Variants in CFAP47 observed in about 807,000 individuals in gnomAD.
The protein encoded by CFAP47 is cilia and flagella associated protein 47.
CFAP47 carries 29 observed loss-of-function variants against 148.1 expected under a neutral mutation model. The observed-to-expected ratio is 0.20, with a 90% CI of 0.15 to 0.27. The LOEUF is 0.27. CFAP47 is among the 10% of genes least tolerant of loss of function. The probability of loss-of-function intolerance (pLI) is 1.00; values close to 1 mark genes in which losing one functional copy is unlikely to be tolerated. For missense variants in CFAP47, 1,872 were observed against 1,697.5 expected (o/e 1.10, Z -1.81); for synonymous variants, 664 against 577.3 (o/e 1.15, Z -2.15).
At chrX:36,099,335 A>G (rs1328382303) in intron 31 of CFAP47, among the ~76,000 whole-genome samples, 3 of 109,836 alleles carry the variant, frequency 2.7e-5, no homozygotes, top group Non-Finnish European at 5.7e-5. Flanking sequence ...GTCTTTGAGG[A>G]GTCTGCAGGC....
intron 46 of CFAP47, among the ~76,000 whole-genome samples, chrX:36,229,206 T>A (rs1940307554): frequency 8.9e-6 from 1 of 111,972 alleles, no homozygotes; most frequent in Admixed American, 9.5e-5. Context: ...TGGCTACCTA[T>A]TAGTCAAAGT....
chrX:36,049,812 C>G (rs1937510079), intron 26 of CFAP47, among the ~76,000 whole-genome samples: 1 of 111,274 alleles, frequency 9.0e-6, no homozygotes, highest in African/African-American at 3.3e-5. Context: ...TGGCTGTGTC[C>G]CCACCTAAAT....
chrX:35,965,371 T>C (rs1462068350), intron 8 of CFAP47, among the ~76,000 whole-genome samples: 1 of 111,440 alleles, frequency 9.0e-6, no homozygotes, highest in African/African-American at 3.3e-5. Flanking sequence ...TTCTAGACTT[T>C]AATTCTTCCT....
chrX:36,352,431 A>C (rs1034174288), intron 59 of CFAP47, among the ~76,000 whole-genome samples: 1 of 111,239 alleles, frequency 9.0e-6, no homozygotes, highest in Non-Finnish European at 1.9e-5. Flanking sequence ...CATTTGTTAT[A>C]GTATTTTAAA....
chrX:36,229,673 A>G (rs906168237), intron 46 of CFAP47, among the ~76,000 whole-genome samples: 6 of 109,343 alleles, frequency 5.5e-5, no homozygotes, highest in Non-Finnish European at 9.5e-5. Context: ...GGTTAGTTAC[A>G]TATGTATACA....
chrX:35,990,319 A>G, intron 16 of CFAP47, among the ~76,000 whole-genome samples: 1 of 111,555 alleles, frequency 9.0e-6, no homozygotes, highest in East Asian at 2.8e-4. Flanking sequence ...TCTGATATAA[A>G]GAACACATAA....
intron 49 of CFAP47, among the ~76,000 whole-genome samples, chrX:36,254,083 C>A (rs1392078747): frequency 8.9e-6 from 1 of 111,965 alleles, no homozygotes; most frequent in Non-Finnish European, 1.9e-5. Flanking sequence ...ATCCATAAAT[C>A]ATCTCAATGA....
intron 49 of CFAP47, among the ~76,000 whole-genome samples, chrX:36,251,974 G>A (rs782659650): frequency 3.6e-5 from 4 of 111,090 alleles, no homozygotes; most frequent in South Asian, 3.7e-4. Context: ...CGGAGGGAGA[G>A]GTGTTCCTGT....
chrX:36,085,151 C>A (rs1163139212), intron 29 of CFAP47, among the ~76,000 whole-genome samples, 163 bp from the exon 30 acceptor site: 2 of 111,252 alleles, frequency 1.8e-5, no homozygotes, highest in African/African-American at 6.5e-5. Flanking sequence ...TTTAACAAAT[C>A]TTTTTTGACC....
At position 35,959,227 on chromosome X, in the gene CFAP47, C is replaced by T. The variant is rs186483012; in HGVS notation, c.1410+3031C>T. 5.4e-5 allele frequency among the ~76,000 whole-genome samples: 6 copies of T among 111,558 alleles called. No homozygotes were observed. In the Admixed American group the frequency reaches 5.7e-4, roughly 11 times the overall value. On this transcript the variant is annotated intron_variant, in intron 8 of 63. Transcript: ENST00000378653. ...ACATTTTACTATTTTTTTAATTGGG[C>T]TGTCTTTTTTTTATGGAATTGCAAG...
intron 51 of CFAP47, among the ~76,000 whole-genome samples, chrX:36,296,969 T>C (rs1247544892): frequency 8.9e-6 from 1 of 111,799 alleles, no homozygotes; most frequent in African/African-American, 3.2e-5. Flanking sequence ...TTCTTTATAA[T>C]TATAAGCGTT....
intron 22 of CFAP47, among the ~76,000 whole-genome samples, chrX:36,024,842 A>T (rs1016649528): frequency 9.0e-6 from 1 of 111,603 alleles, no homozygotes; most frequent in African/African-American, 3.3e-5. Context: ...AGGTGCTGTT[A>T]GTGGTCACTT....
chrX:36,288,860 T>G (rs1941161644), intron 51 of CFAP47, among the ~76,000 whole-genome samples: 1 of 111,322 alleles, frequency 9.0e-6, no homozygotes, highest in Non-Finnish European at 1.9e-5. Context: ...TAGTGAGACT[T>G]TGTCTCTAGT....
At chrX:35,966,515 C>CT in intron 8 of CFAP47, 50 bp from the exon 9 acceptor site, 1 of 856,113 alleles carries the variant, frequency 1.2e-6, no homozygotes, top group Non-Finnish European at 1.5e-6. Flanking sequence ...TTGCTGTTAA[C>CT]TTTTTTTCTA....
intron 33 of CFAP47, among the ~76,000 whole-genome samples, chrX:36,118,562 C>T (rs59572320): frequency 0.1 from 11,537 of 110,374 alleles, 1,204 homozygotes; most frequent in African/African-American, 0.32. Context: ...CTCTGCCTCC[C>T]GGGTTTACAC....
At chrX:36,101,278 G>T (rs746374361) in intron 32 of CFAP47, among the ~76,000 whole-genome samples, 1 of 111,841 alleles carries the variant, frequency 8.9e-6, no homozygotes, top group South Asian at 3.7e-4. Flanking sequence ...TGTTAACTTA[G>T]TTTTAAGGAA....
At chrX:36,147,363 G>T (rs1226719712) in intron 36 of CFAP47, among the ~76,000 whole-genome samples, 1 of 111,915 alleles carries the variant, frequency 8.9e-6, no homozygotes, top group Admixed American at 9.4e-5. Flanking sequence ...GACCACAGAT[G>T]AGTCCAATAC....
chrX:36,088,339 G>A (rs149181733), intron 30 of CFAP47, among the ~76,000 whole-genome samples: 1,813 of 111,165 alleles, frequency 0.016, 46 homozygotes, highest in African/African-American at 0.056. Flanking sequence ...GTCTGGTATG[G>A]ACTGAATTGT....
At chrX:35,936,377 A>G (rs1187675108) in intron 2 of CFAP47, among the ~76,000 whole-genome samples, 1 of 107,490 alleles carries the variant, frequency 9.3e-6, no homozygotes, top group Admixed American at 1.0e-4. Context: ...TATAACTTGT[A>G]TTTATTTGCT....
Sources: gnomAD v4.1 joint callset for allele counts (sites outside exome capture counted in the v4.1 genomes callset) on GRCh38, gnomAD v4.1.1 for gene constraint, MANE v1.5 for transcripts, NCBI Gene and HGNC (gene_info 2026-07-23, HGNC 2026-07-21) for gene names.